The following SP100 variants were observed in gnomAD, a reference collection of about 807,000 sequenced individuals.
SP100 encodes the protein nuclear autoantigen Sp-100.
Under a neutral mutation model 130.0 loss-of-function variants are expected in SP100, and 84 were observed. The ratio of observed to expected loss-of-function variants is 0.65; its 90% CI spans 0.54 to 0.77. The LOEUF (loss-of-function observed/expected upper bound fraction) is 0.77, where lower values mean the gene tolerates loss of function less well. SP100 is among the 30% of genes least tolerant of loss of function. The pLI is 0.00. For missense variants in SP100, 978 were observed against 1,052.2 expected (o/e 0.93, Z 0.97); for synonymous variants, 331 against 351.7 (o/e 0.94, Z 0.66).
rs372490223 is a variant in SP100, at chr2:230,464,174, C to T, written c.1141+24C>T. ...AGGTAAGAATATTAGAGTTGCAACC[C>T]GAGACTGTAGAATATCCAGAGTACA... is the stretch of plus-strand genomic sequence containing the variant. On this transcript the variant is annotated intron_variant, in intron 11 of 28. Transcript: ENST00000340126. 3.8e-5 allele frequency: 53 copies of T among 1,391,640 alleles called. No homozygotes were observed. The East Asian group carries it at 3.9e-4, about 10-fold the overall frequency. 86.2% of individuals were successfully genotyped at this position (1,391,640 alleles called of 1,614,324 possible).
At chr2:230,490,467 A>T (rs1014027041) in intron 17 of SP100, among the ~76,000 whole-genome samples, 1 of 152,106 alleles carries the variant, frequency 6.6e-6, no homozygotes, top group African/African-American at 2.4e-5. Context: ...CTGTCTTTTA[A>T]TTGGGGCATT....
chr2:230,515,706 CT>C (rs1449944837), intron 24 of SP100: 4 of 1,531,538 alleles, frequency 2.6e-6, no homozygotes, highest in Non-Finnish European at 3.5e-6. Flanking sequence ...CAACTCACTC[CT>C]TTTAAAGAAA....
intron 24 of SP100, among the ~76,000 whole-genome samples, chr2:230,519,366 G>A (rs907276937): frequency 2.7e-4 from 41 of 152,172 alleles, no homozygotes; most frequent in African/African-American, 9.4e-4. Flanking sequence ...TTAGTCTTGG[G>A]TCAGAAAAAA....
intron 11 of SP100, among the ~76,000 whole-genome samples, chr2:230,465,398 CA>C (rs201813064): frequency 6.6e-6 from 1 of 151,270 alleles, no homozygotes; most frequent in Non-Finnish European, 1.5e-5. Flanking sequence ...GACCCTGTCT[CA>C]AAAAAAATAA....
chr2:230,476,958 C>T (rs1372221892), intron 17 of SP100, among the ~76,000 whole-genome samples: 1 of 150,484 alleles, frequency 6.6e-6, no homozygotes, highest in Non-Finnish European at 1.5e-5. Context: ...CTCTGCCTCC[C>T]AGGTTCACAC....
In SP100 at chr2:230,503,263, C is replaced by T. The variant is rs979755644; in HGVS notation, c.1765+153C>T. ...GCAGTTCATTTTAAGACCCTCAATACCTGCTTCAGTGGAATCAGATCCCCA... is the reference window on the plus strand; with the variant it reads ...GCAGTTCATTTTAAGACCCTCAATATCTGCTTCAGTGGAATCAGATCCCCA... On this transcript the variant is annotated intron_variant, in intron 20 of 28. Coordinates refer to ENST00000340126, the MANE Select transcript of SP100 (RefSeq NM_001080391.2). 2.6e-5 allele frequency among the ~76,000 whole-genome samples: 4 copies of T among 152,290 alleles called. No individual in the cohort carries two copies. In the South Asian group the frequency reaches 8.3e-4, roughly 32 times the overall value.
At chr2:230,447,804 A>C (rs1350969499) in intron 5 of SP100, among the ~76,000 whole-genome samples, 1 of 152,156 alleles carries the variant, frequency 6.6e-6, no homozygotes, top group Non-Finnish European at 1.5e-5. Flanking sequence ...GGATTGATTA[A>C]ATCATTGGCA....
chr2:230,526,349 C>A (rs1383600476), intron 24 of SP100, among the ~76,000 whole-genome samples: 1 of 152,194 alleles, frequency 6.6e-6, no homozygotes, highest in African/African-American at 2.4e-5. Flanking sequence ...AACTAACAAA[C>A]AGAAAGGAAT....
chr2:230,514,566 C>T (rs1460776164), intron 24 of SP100, among the ~76,000 whole-genome samples: 4 of 152,118 alleles, frequency 2.6e-5, no homozygotes, highest in Non-Finnish European at 2.9e-5. Context: ...TTTCTCTCTT[C>T]GATCTCCCTT....
intron 14 of SP100, 88 bp downstream of exon 14, chr2:230,469,184 T>TA (rs1443987112): frequency 7.3e-6 from 6 of 824,670 alleles, no homozygotes; most frequent in Non-Finnish European, 1.2e-5. Flanking sequence ...TCCTTTAAAA[T>TA]AAAAAATTAA....
At chr2:230,451,727 T>G (rs1358974836) in intron 8 of SP100, among the ~76,000 whole-genome samples, 1 of 152,254 alleles carries the variant, frequency 6.6e-6, no homozygotes, top group Non-Finnish European at 1.5e-5. Flanking sequence ...ACCAATGTCG[T>G]GAAGCTTTTC....
chr2:230,433,752 T>G (rs191493881), intron 2 of SP100, among the ~76,000 whole-genome samples: 1 of 151,802 alleles, frequency 6.6e-6, no homozygotes, highest in African/African-American at 2.4e-5. Flanking sequence ...CCTTTATTTT[T>G]GAATTTGCAA....
chr2:230,508,289 A>T, intron 23 of SP100: 3 of 389,184 alleles, frequency 7.7e-6, no homozygotes, highest in Non-Finnish European at 8.9e-6. Flanking sequence ...TGTGTTTTTT[A>T]GTAAAGGAGC....
In SP100 at chr2:230,450,178, G is replaced by T. The variant is rs892368737; in HGVS notation, c.743G>T (p.Cys248Phe). The change falls in exon 8 of 29, where the codon TGC becomes TTC. Residue 248 changes from cysteine to phenylalanine, a missense_variant. Coordinates refer to ENST00000340126, the MANE Select transcript of SP100 (RefSeq NM_001080391.2). Reference protein sequence around the residue: ...CAQKAEPTESCEQIAVQVNNG... With the variant: ...CAQKAEPTESFEQIAVQVNNG... ...TGATCTCGTTTATCTCCAGAGTCCT[G>T]CGAACAAATTGCTGTCCAAGTGAAT... The T allele has an allele frequency of 1.2e-6, 2 of 1,612,934 alleles. No individual in the cohort carries two copies. The highest frequency in any genetic ancestry group is 2.7e-5 in the African/African-American group (2 of 74,910).
chr2:230,528,754 A>G (rs1019420756), intron 24 of SP100, among the ~76,000 whole-genome samples: 1 of 152,142 alleles, frequency 6.6e-6, no homozygotes, highest in African/African-American at 2.4e-5. Flanking sequence ...ATATCACCAC[A>G]GATCCCACAG....
intron 19 of SP100, among the ~76,000 whole-genome samples, chr2:230,499,273 T>A (rs952478773): frequency 9.2e-5 from 14 of 151,370 alleles, no homozygotes; most frequent in Non-Finnish European, 7.4e-5. Flanking sequence ...AACTTGCAGA[T>A]GATTCTGGAA....
intron 19 of SP100, among the ~76,000 whole-genome samples, chr2:230,500,690 G>C (rs1283450806): frequency 3.3e-5 from 5 of 152,110 alleles, no homozygotes; most frequent in Non-Finnish European, 1.5e-5. Context: ...AGAAGAGTTA[G>C]AAGTGGCCAG....
intron 4 of SP100, among the ~76,000 whole-genome samples, chr2:230,446,008 T>A (rs1025925739): frequency 6.6e-6 from 1 of 152,186 alleles, no homozygotes; most frequent in Non-Finnish European, 1.5e-5. Flanking sequence ...TCCTCTGTTA[T>A]GTTTATTTGA....
rs1474591643 is a variant in SP100, at chr2:230,544,597, C to T, written c.*1651C>T. ...CTGCCTCCCGGGTTCAAGCAATTCT[C>T]CTGCCTCAGCCTCCCAGGTGGCTGG... is the stretch of plus-strand genomic sequence containing the variant. On this transcript the variant is annotated 3_prime_UTR_variant, in exon 29 of 29. Transcript: ENST00000340126. Among the ~76,000 whole-genome samples, 1 of 152,160 alleles carries T rather than the reference C, an allele frequency of 6.6e-6. No individual in the cohort carries two copies. Among genetic ancestry groups the T allele is most frequent in the Non-Finnish European group, 1.5e-5 (1 of 68,024 alleles).
Sources: gnomAD v4.1 joint callset for allele counts (sites outside exome capture counted in the v4.1 genomes callset) on GRCh38, gnomAD v4.1.1 for gene constraint, MANE v1.5 for transcripts, NCBI Gene and HGNC (gene_info 2026-07-23, HGNC 2026-07-21) for gene names.